ARGFX: variants seen among roughly 807,000 people sequenced by gnomAD.
ARGFX encodes the protein arginine-fifty homeobox.
In ARGFX, 10 loss-of-function variants were observed where a neutral mutation model predicts 8.0. The ratio of observed to expected loss-of-function variants is 1.25; its 90% confidence interval spans 0.77 to 2.12. The LOEUF (loss-of-function observed/expected upper bound fraction) is 2.12. ARGFX is among the 30% of genes most tolerant of loss of function. The probability of loss-of-function intolerance (pLI) is 0.00; values close to 1 mark genes in which losing one functional copy is unlikely to be tolerated. For missense variants in ARGFX, 282 were observed against 324.3 expected, an observed-to-expected ratio of 0.87 and a Z score of 1.00; for synonymous variants, 116 against 117.8, an observed-to-expected ratio of 0.98 and a Z score of 0.10.
chr3:121,583,763 G>C (rs1032672626), intron 3 of ARGFX, among the ~76,000 whole-genome samples: 1 of 152,138 alleles, frequency 6.6e-6, no homozygotes, highest in Non-Finnish European at 1.5e-5. Context: ...CTCCAGTCAT[G>C]TGATGCTCTT....
chr3:121,586,650 C>T lies in ARGFX; in HGVS notation c.*50C>T, dbSNP rs759730195. On this transcript the variant is annotated 3_prime_UTR_variant, in exon 5 of 5. Transcript: ENST00000334384. The stretch of plus-strand genomic sequence containing the variant: ...ATTTAGAAAAGTGGTCTTCTTGCCT[C>T]TTGTACATGACTGTTTTTTTCCTTT... 7.0e-7 allele frequency: 1 copy of T among 1,432,526 alleles called. No homozygotes were observed. The highest frequency in any genetic ancestry group is 9.5e-7 in the Non-Finnish European group (1 of 1,050,802). 88.7% of individuals were successfully genotyped at this position (1,432,526 alleles called of 1,614,324 possible). A position where few individuals can be genotyped will look rare whatever the true frequency, so the allele number is the denominator to read the frequency against.
At chr3:121,580,735 G>A (rs2048774185) in intron 3 of ARGFX, among the ~76,000 whole-genome samples, 1 of 150,856 alleles carries the variant, frequency 6.6e-6, no homozygotes, top group Non-Finnish European at 1.5e-5. Flanking sequence ...CTCCTGAGTA[G>A]CTGGGATTAC....
Position 121,586,159 on chromosome 3 carries a change from TC to T in ARGFX, c.509del (p.Pro170LeufsTer2). On this transcript the variant is annotated frameshift_variant, in exon 5 of 5. Coordinates refer to ENST00000334384, the MANE Select transcript of ARGFX (RefSeq NM_001012659.2). LOFTEE classifies it low-confidence loss of function (END_TRUNC). ...RTSPSPYAFS[P>X]VISDFYSSLP... ...CATCCCCCAGTCCTTATGCTTTTTC[TC>T]CTGTGATTTCAGATTTCTACAGCTC... 1 of 1,614,038 alleles carries T rather than the reference TC, an allele frequency of 6.2e-7. No individual in the cohort carries two copies. Among genetic ancestry groups the T allele is most frequent in the East Asian group, 2.2e-5 (1 of 44,882 alleles).
At chr3:121,571,306 G>A (rs1468800899) in intron 2 of ARGFX, among the ~76,000 whole-genome samples, 3 of 152,014 alleles carry the variant, frequency 2.0e-5, no homozygotes, top group Non-Finnish European at 4.4e-5. Flanking sequence ...AACATTGTTT[G>A]TATACAATGT....
At chr3:121,585,979 T>C (rs2048810068) in intron 4 of ARGFX, 43 bp from the exon 5 acceptor site, 1 of 1,525,134 alleles carries the variant, frequency 6.6e-7, no homozygotes, top group African/African-American at 1.4e-5. Flanking sequence ...CAATGCCTCC[T>C]CCAATAACAG....
chr3:121,586,316 T>G lies in ARGFX; in HGVS notation c.664T>G (p.Ser222Ala). ...RLVASVPALY[S>A]DAYDIFQIIE... ...GGTGGCCTCGGTTCCTGCTTTGTAC[T>G]CTGATGCCTATGACATATTCCAAAT... is the stretch of plus-strand genomic sequence containing the variant. The change falls in exon 5 of 5, where the codon TCT becomes GCT. Residue 222 changes from serine (S) to alanine (A), a missense_variant. By Grantham distance (99) the Ser-to-Ala change is moderately conservative. Transcript: ENST00000334384. 6.2e-7 allele frequency: 1 copy of G among 1,614,250 alleles called. No homozygotes were observed. The highest frequency in any genetic ancestry group is 2.2e-5 in the East Asian group (1 of 44,892).
chr3:121,581,033 T>A (rs201081301), intron 3 of ARGFX, among the ~76,000 whole-genome samples: 10 of 152,124 alleles, frequency 6.6e-5, no homozygotes, highest in Non-Finnish European at 1.0e-4. Context: ...AGGAGTGCAA[T>A]GGCATGATCT....
Position 121,588,437 on chromosome 3 carries a change from C to A in ARGFX, c.*1837C>A, listed in dbSNP as rs1258138130. ...AGGTTGCAGTGAGCTGAGGTCGCAC[C>A]ACTGCACTCCAGCCTGGACAACAGA... On this transcript the variant is annotated 3_prime_UTR_variant, in exon 5 of 5. Transcript: ENST00000334384. Among the ~76,000 whole-genome samples, 1 of 148,882 alleles carries A rather than the reference C, an allele frequency of 6.7e-6. No homozygotes were observed. The highest frequency in any genetic ancestry group is 6.7e-5 in the Admixed American group (1 of 14,940).
intron 3 of ARGFX, among the ~76,000 whole-genome samples, chr3:121,577,679 C>T (rs2048752085): frequency 6.6e-6 from 1 of 152,170 alleles, no homozygotes; most frequent in Non-Finnish European, 1.5e-5. Context: ...CAATGTGCCA[C>T]ACATTATTGT....
rs2048830116 is a variant in ARGFX, at chr3:121,588,839, A to ATTGCTTGAACCTGGGAGGTGGAGGT, written c.*2240_*2241insTGCTTGAACCTGGGAGGTGGAGGTT. Among the ~76,000 whole-genome samples the ATTGCTTGAACCTGGGAGGTGGAGGT allele has an allele frequency of 2.0e-5, 3 of 152,188 alleles. No individual in the cohort carries two copies. The highest frequency in any genetic ancestry group is 7.2e-5 in the African/African-American group (3 of 41,424). On this transcript the variant is annotated 3_prime_UTR_variant, in exon 5 of 5. Transcript: ENST00000334384. ...CTACTTGGGAGGCTGAGGCAGGAGA[A>ATTGCTTGAACCTGGGAGGTGGAGGT]TCACAAGGATTGAAACTATGCAGTG...
chr3:121,574,027 G>A (rs1160744058), intron 2 of ARGFX, among the ~76,000 whole-genome samples: 2 of 152,034 alleles, frequency 1.3e-5, no homozygotes, highest in Non-Finnish European at 2.9e-5. Context: ...AACAAGTGTC[G>A]GTGAGGATGG....
chr3:121,577,242 TATATATATATATATA>T (rs1464761013), intron 3 of ARGFX, among the ~76,000 whole-genome samples: 8 of 62,238 alleles, frequency 1.3e-4, no homozygotes, highest in African/African-American at 4.3e-4. Context: ...TATATATATA[TATATATATATATATA>T]TATTTTTTTT....
At chr3:121,578,120 CTTTTTTTT>C (rs35072728) in intron 3 of ARGFX, among the ~76,000 whole-genome samples, 21 of 113,092 alleles carry the variant, frequency 1.9e-4, no homozygotes, top group African/African-American at 2.5e-4. Flanking sequence ...CCCTACCCCA[CTTTTTTTT>C]TTTTTTTTTT....
At chr3:121,585,161 A>G in intron 4 of ARGFX, 96 bp downstream of exon 4, 2 of 1,347,494 alleles carry the variant, frequency 1.5e-6, no homozygotes, top group East Asian at 2.4e-5. Flanking sequence ...CCCCACAATA[A>G]TATTTCATTA....
At chr3:121,577,244 T>TGTAC (rs1560120441) in intron 3 of ARGFX, among the ~76,000 whole-genome samples, 3 of 53,356 alleles carry the variant, frequency 5.6e-5, no homozygotes, top group Non-Finnish European at 1.1e-4. Flanking sequence ...TATATATATA[T>TGTAC]ATATATATAT....
chr3:121,583,137 C>A (rs1436489475), intron 3 of ARGFX, among the ~76,000 whole-genome samples: 1 of 146,916 alleles, frequency 6.8e-6, no homozygotes, highest in Non-Finnish European at 1.5e-5. Flanking sequence ...TCAAGCAATT[C>A]TCGTGCCTCA....
In ARGFX at chr3:121,589,356, T is replaced by C. The variant is rs1301380424; in HGVS notation, c.*2756T>C. Among the ~76,000 whole-genome samples the C allele has an allele frequency of 6.6e-6, 1 of 152,298 alleles. No individual in the cohort carries two copies. The highest frequency in any genetic ancestry group is 2.4e-5 in the African/African-American group (1 of 41,566). ...AGCTTTACATAGGAAGGAAGTGGCA[T>C]AGTTTTATCAATATCTGTCAAATTA... On this transcript the variant is annotated 3_prime_UTR_variant, in exon 5 of 5. Transcript: ENST00000334384.
chr3:121,574,557 G>A (rs2048725618), intron 2 of ARGFX, among the ~76,000 whole-genome samples: 1 of 152,186 alleles, frequency 6.6e-6, no homozygotes, highest in South Asian at 2.1e-4. Flanking sequence ...TAGGATTCAT[G>A]CTCCTATGAG....
chr3:121,588,186 G>A lies in ARGFX; in HGVS notation c.*1586G>A, dbSNP rs2048824005. Among the ~76,000 whole-genome samples the A allele has an allele frequency of 6.6e-6, 1 of 151,526 alleles. No individual in the cohort carries two copies. The highest frequency in any genetic ancestry group is 2.4e-5 in the African/African-American group (1 of 41,270). On this transcript the variant is annotated 3_prime_UTR_variant, in exon 5 of 5. Coordinates refer to ENST00000334384, the MANE Select transcript of ARGFX (RefSeq NM_001012659.2). ...AACACCAGTAATAAAGAAACATAAG[G>A]GCTGGGGGTGGTGGCTCATGCCTGT...
Sources: allele counts gnomAD v4.1 joint callset (sites outside exome capture counted in the v4.1 genomes callset), GRCh38; gene constraint gnomAD v4.1.1; transcripts MANE v1.5; gene names NCBI Gene and HGNC (gene_info 2026-07-23, HGNC 2026-07-21).